RELN: variants seen among roughly 807,000 people sequenced by gnomAD.
RELN encodes reelin.
A neutral mutation model predicts 427.6 loss-of-function variants in RELN; 108 were observed. The ratio of observed to expected loss-of-function variants is 0.25; its 90% CI spans 0.22 to 0.30. RELN has a LOEUF of 0.30. Among genes scored for constraint, RELN ranks in the 10% least tolerant of loss-of-function variants. The pLI is 1.00. For missense variants in RELN, 3,715 were observed against 4,302.8 expected (o/e 0.86, Z 3.82); for synonymous variants, 1,524 against 1,513.4 (o/e 1.01, Z -0.16).
chr7:103,588,564 ATG>A (rs1440389134), intron 28 of RELN, among the ~76,000 whole-genome samples: 7 of 152,232 alleles, frequency 4.6e-5, no homozygotes, highest in Non-Finnish European at 8.8e-5. Flanking sequence ...AGTATGCATT[ATG>A]TACATGTAAC....
chr7:103,808,295 T>A (rs1007685599), intron 3 of RELN, among the ~76,000 whole-genome samples: 4 of 151,200 alleles, frequency 2.6e-5, no homozygotes, highest in African/African-American at 7.3e-5. Context: ...TAGCATTAGG[T>A]GATATACCTA....
At position 103,604,330 on chromosome 7, in the gene RELN, T is replaced by G; in HGVS notation, c.3146+16A>C. ...TTGAGAAGCATGGACCTCATCGTGC[T>G]TTCTGGTGCACATACCTGCATATGC... On this transcript the variant is annotated intron_variant, in intron 23 of 64. Coordinates refer to ENST00000428762, the MANE Select transcript of RELN (RefSeq NM_005045.4). The G allele has an allele frequency of 6.2e-7, 1 of 1,613,718 alleles. No individual in the cohort carries two copies. The highest frequency in any genetic ancestry group is 8.5e-7 in the Non-Finnish European group (1 of 1,179,760).
At chr7:103,881,557 T>A (rs774723403) in intron 2 of RELN, among the ~76,000 whole-genome samples, 1 of 152,146 alleles carries the variant, frequency 6.6e-6, no homozygotes, top group Non-Finnish European at 1.5e-5. Flanking sequence ...TCATGTTGTA[T>A]CCTGTTTGTC....
chr7:103,636,299 G>C lies in RELN; in HGVS notation c.2239C>G (p.Leu747Val). Residue 747 changes from leucine (L) to valine (V), a missense_variant, in exon 18 of 65, where the codon CTG becomes GTG. Leu to Val is a conservative substitution (Grantham distance 32, BLOSUM62 1). Transcript: ENST00000428762. ...GCGVLASGKA[L>V]VFNKDGRRQL... Reference sequence around the variant, plus strand: ...CGCCGCCCATCTTTGTTGAAAACCAGGGCCTTACCACTGGCCAAGACACCA... The same window carrying C: ...CGCCGCCCATCTTTGTTGAAAACCACGGCCTTACCACTGGCCAAGACACCA... 2 of 1,614,004 alleles carry C rather than the reference G, an allele frequency of 1.2e-6. No homozygotes were observed. The highest frequency in any genetic ancestry group is 1.7e-6 in the Non-Finnish European group (2 of 1,179,984).
At chr7:103,483,600 G>T in intron 62 of RELN, 53 bp downstream of exon 62, 4 of 1,569,570 alleles carry the variant, frequency 2.5e-6, no homozygotes, top group Non-Finnish European at 3.5e-6. Flanking sequence ...GATTCCCAGG[G>T]ATTCACAAAG....
intron 20 of RELN, among the ~76,000 whole-genome samples, chr7:103,612,044 A>C (rs1297622484): frequency 6.6e-6 from 1 of 152,194 alleles, no homozygotes; most frequent in Non-Finnish European, 1.5e-5. Context: ...TTGGGTACCC[A>C]CTCATATATT....
intron 2 of RELN, among the ~76,000 whole-genome samples, chr7:103,899,203 A>G (rs1198708453): frequency 6.6e-6 from 1 of 152,170 alleles, no homozygotes; most frequent in African/African-American, 2.4e-5. Flanking sequence ...AGAAATTGAT[A>G]AATTCCTGGA....
intron 2 of RELN, among the ~76,000 whole-genome samples, chr7:103,879,387 G>C (rs936261355): frequency 7.2e-5 from 11 of 152,138 alleles, no homozygotes; most frequent in Non-Finnish European, 1.3e-4. Context: ...AGTTATCAAG[G>C]GTAGAAAGAA....
chr7:103,916,325 A>G (rs921112504), intron 2 of RELN, among the ~76,000 whole-genome samples: 18 of 152,356 alleles, frequency 1.2e-4, no homozygotes, highest in African/African-American at 4.3e-4. Flanking sequence ...TCTCACATCT[A>G]TAGATGAAGT....
At chr7:103,723,498 A>G (rs2115909784) in intron 7 of RELN, among the ~76,000 whole-genome samples, 1 of 152,290 alleles carries the variant, frequency 6.6e-6, no homozygotes, top group Non-Finnish European at 1.5e-5. Flanking sequence ...GGCATTTAAC[A>G]AAGCTCCTCT....
chr7:103,475,128 C>T lies in RELN; in HGVS notation c.10287-2220G>A, dbSNP rs145222705. On this transcript the variant is annotated intron_variant, in intron 64 of 64. Transcript: ENST00000428762. Reference sequence around the variant, plus strand: ...TCAAACGCCTTGAGTCCTTTCTACCCGCCTCATTGGCCAGCTGTCAACATC... The same window carrying T: ...TCAAACGCCTTGAGTCCTTTCTACCTGCCTCATTGGCCAGCTGTCAACATC... 5.3e-5 allele frequency among the ~76,000 whole-genome samples: 8 copies of T among 152,262 alleles called. No homozygotes were observed. In the East Asian group the frequency reaches 9.6e-4, roughly 18 times the overall value.
chr7:103,719,223 A>G (rs1162436749), intron 8 of RELN, among the ~76,000 whole-genome samples: 5 of 152,160 alleles, frequency 3.3e-5, no homozygotes, highest in Non-Finnish European at 7.3e-5. Context: ...CATAGCTACC[A>G]GGCCCAGTTC....
chr7:103,849,775 A>C (rs1287579435), intron 2 of RELN, among the ~76,000 whole-genome samples: 1 of 152,190 alleles, frequency 6.6e-6, no homozygotes, highest in Non-Finnish European at 1.5e-5. Context: ...AAATTTGTAA[A>C]ACACAAAGAA....
chr7:103,635,724 A>G, intron 18 of RELN, 138 bp from the exon 19 acceptor site: 3 of 693,456 alleles, frequency 4.3e-6, no homozygotes, highest in South Asian at 3.5e-5. Context: ...ATTGTTAGAT[A>G]TATGAATATG....
chr7:103,680,803 A>G lies in RELN; in HGVS notation c.1289+1313T>C, dbSNP rs117672143. 4.2e-3 allele frequency among the ~76,000 whole-genome samples: 645 copies of G among 152,092 alleles called. 24 individuals are homozygous for G. The East Asian group carries it at 0.096, about 23-fold the overall frequency. On this transcript the variant is annotated intron_variant, in intron 11 of 64. Coordinates refer to ENST00000428762, the MANE Select transcript of RELN (RefSeq NM_005045.4). ...ACATTGGAGCTGTACTGCACATGAA[A>G]CTTCAGGGTGTCAGGAATGTCAGAA...
intron 19 of RELN, among the ~76,000 whole-genome samples, chr7:103,634,602 G>A (rs1832538154): frequency 6.6e-6 from 1 of 151,838 alleles, no homozygotes; most frequent in Non-Finnish European, 1.5e-5. Context: ...CCTGAAGAAA[G>A]GGCTTTAAAT....
intron 8 of RELN, among the ~76,000 whole-genome samples, chr7:103,711,598 A>G (rs1290450470): frequency 1.3e-5 from 2 of 152,186 alleles, no homozygotes; most frequent in Non-Finnish European, 2.9e-5. Context: ...ATGGAAATGA[A>G]TCACAGTACA....
chr7:103,795,918 C>T lies in RELN; in HGVS notation c.474-19291G>A, dbSNP rs750768583. On this transcript the variant is annotated intron_variant, in intron 3 of 64. Coordinates refer to ENST00000428762, the MANE Select transcript of RELN (RefSeq NM_005045.4). ...GTAAATATTCCATTTTTGTATAGTG[C>T]TAAAGAAATCACATTTTCATTTTTC... is the stretch of plus-strand genomic sequence containing the variant. Among the ~76,000 whole-genome samples the T allele has an allele frequency of 3.9e-4, 60 of 152,110 alleles. 1 individual carries two copies. Among genetic ancestry groups the T allele is most frequent in the Non-Finnish European group, 2.5e-4 (17 of 68,012 alleles).
chr7:103,896,912 A>G (rs1032294824), intron 2 of RELN, among the ~76,000 whole-genome samples: 49 of 152,234 alleles, frequency 3.2e-4, no homozygotes, highest in African/African-American at 1.2e-3. Flanking sequence ...CTGAGACTGC[A>G]TAACTTTTAA....
Sources: allele counts gnomAD v4.1 joint callset (sites outside exome capture counted in the v4.1 genomes callset), GRCh38; gene constraint gnomAD v4.1.1; transcripts MANE v1.5; gene names NCBI Gene and HGNC (gene_info 2026-07-23, HGNC 2026-07-21).